Variants in SPART observed in about 807,000 individuals in gnomAD.
SPART encodes spartin.
A neutral mutation model predicts 58.7 loss-of-function variants in SPART; 35 were observed. The observed-to-expected ratio is 0.60, with a 90% CI of 0.46 to 0.79. The LOEUF is 0.79. SPART is among the 30% of genes least tolerant of loss of function. SPART has a pLI of 0.00. For missense variants in SPART, 730 were observed against 786.1 expected, an observed-to-expected ratio of 0.93 and a Z score of 0.85; for synonymous variants, 284 against 280.7, an observed-to-expected ratio of 1.01 and a Z score of -0.12.
In SPART at chr13:36,301,670, A is replaced by C. The variant is rs1440448073; in HGVS notation, c.*2695T>G. ...TATGAGATACTTTTTTATATATGCT[A>C]CATTAACAATAAAAACATTGCAAAG... is the stretch of plus-strand genomic sequence containing the variant. On this transcript the variant is annotated 3_prime_UTR_variant, in exon 9 of 9. Transcript: ENST00000438666. 6.6e-6 allele frequency: 1 copy of C among 152,200 alleles called. No homozygotes were observed. Among genetic ancestry groups the C allele is most frequent in the Non-Finnish European group, 1.5e-5 (1 of 68,034 alleles). 9.4% of individuals were successfully genotyped at this position (152,200 alleles called of 1,614,324 possible). A position where few individuals can be genotyped will look rare whatever the true frequency, so the allele number is the denominator to read the frequency against.
intron 2 of SPART, 117 bp downstream of exon 2, chr13:36,334,904 C>A: frequency 1.2e-6 from 1 of 809,142 alleles, no homozygotes; most frequent in Non-Finnish European, 2.0e-6. Context: ...TATTTAAAAA[C>A]AAAGTAGAAT....
chr13:36,356,423 A>G (rs1368943235), intron 1 of SPART, among the ~76,000 whole-genome samples: 1 of 152,124 alleles, frequency 6.6e-6, no homozygotes, highest in Non-Finnish European at 1.5e-5. Flanking sequence ...TTTACAACCT[A>G]TTCTCTCTGA....
chr13:36,304,578 A>G lies in SPART; in HGVS notation c.1788T>C (p.Asn596=), dbSNP rs1263130298. 2.5e-6 allele frequency: 4 copies of G among 1,614,052 alleles called. No homozygotes were observed. The highest frequency in any genetic ancestry group is 4.5e-5 in the East Asian group (2 of 44,898). Residue 596 remains asparagine (N), a synonymous_variant, in exon 9 of 9, where the codon AAT becomes AAC. Coordinates refer to ENST00000438666, the MANE Select transcript of SPART (RefSeq NM_015087.5). ...ATHHAVDSAV[N]VGVTAYNINN... Reference sequence around the variant, plus strand: ...TAATATTGTAGGCAGTTACGCCAACATTGACCGCAGAATCCACCGCATGGT... The same window carrying G: ...TAATATTGTAGGCAGTTACGCCAACGTTGACCGCAGAATCCACCGCATGGT...
intron 5 of SPART, 29 bp downstream of exon 5, chr13:36,326,546 A>G (rs773332457): frequency 1.2e-6 from 2 of 1,612,320 alleles, no homozygotes; most frequent in South Asian, 2.2e-5. Context: ...AATGTCATAC[A>G]GGGAAAAAAA....
rs1229362852 is a variant in SPART at position 36,314,159 on chromosome 13, T to C, written c.1483+68A>G. On this transcript the variant is annotated intron_variant, in intron 6 of 8. Transcript: ENST00000438666. ...TAAACCATCTAAATGAACATGCAGA[T>C]TAACCCTGGATTAAGACATTATTTT... is the stretch of plus-strand genomic sequence containing the variant. 19 of 1,450,324 alleles carry C rather than the reference T, an allele frequency of 1.3e-5. No individual in the cohort carries two copies. The African/African-American group carries it at 2.7e-4, about 21-fold the overall frequency. 89.8% of individuals were successfully genotyped at this position (1,450,324 alleles called of 1,614,324 possible).
At chr13:36,320,883 GT>G (rs1351329881) in intron 5 of SPART, among the ~76,000 whole-genome samples, 2 of 152,252 alleles carry the variant, frequency 1.3e-5, no homozygotes, top group East Asian at 1.9e-4. Flanking sequence ...TCAGCCAGCA[GT>G]TTTTCAGGCT....
chr13:36,325,119 A>G (rs1033394664), intron 5 of SPART, among the ~76,000 whole-genome samples: 4 of 152,208 alleles, frequency 2.6e-5, no homozygotes, highest in Admixed American at 2.6e-4. Flanking sequence ...GCTTGGGCTC[A>G]GAGGCCTGAC....
chr13:36,328,008 CAG>C (rs547360863), intron 4 of SPART, among the ~76,000 whole-genome samples: 150 of 152,148 alleles, frequency 9.9e-4, no homozygotes, highest in African/African-American at 3.6e-3. Context: ...GGTGAGGAGA[CAG>C]GGGAAGATTA....
At chr13:36,314,004 AG>A in intron 6 of SPART, 1 of 563,414 alleles carries the variant, frequency 1.8e-6, no homozygotes, top group East Asian at 3.0e-5. Flanking sequence ...CTGAATCAGT[AG>A]GTGTGTCTGT....
intron 4 of SPART, 90 bp downstream of exon 4, chr13:36,329,272 A>C: frequency 6.9e-7 from 1 of 1,450,322 alleles, no homozygotes; most frequent in South Asian, 1.2e-5. Context: ...GCTTTGCTTT[A>C]GTATATGGGA....
In SPART at chr13:36,304,491, A is replaced by C; in HGVS notation, c.1875T>G (p.Leu625=). Residue 625 remains leucine, a synonymous_variant, in exon 9 of 9, where the codon CTT becomes CTG. Transcript: ENST00000438666. The part of the protein sequence containing the change: ...KTATQTGHTL[L]EDYQIVDNSQ... ...AATTATCAACTATCTGATAGTCCTC[A>C]AGGAGAGTGTGTCCTGTTTGTGTTG... 6.2e-7 allele frequency: 1 copy of C among 1,614,140 alleles called. No individual in the cohort carries two copies. Among genetic ancestry groups the C allele is most frequent in the Non-Finnish European group, 8.5e-7 (1 of 1,180,020 alleles).
At chr13:36,320,919 A>G (rs1882310246) in intron 5 of SPART, among the ~76,000 whole-genome samples, 1 of 152,146 alleles carries the variant, frequency 6.6e-6, no homozygotes, top group Non-Finnish European at 1.5e-5. Context: ...AAACCTTTAT[A>G]TCCCTTACGG....
intron 5 of SPART, chr13:36,326,367 A>T: frequency 1.7e-6 from 1 of 585,104 alleles, no homozygotes; most frequent in Non-Finnish European, 2.9e-6. Context: ...ATAGTAGAAC[A>T]GAATAATAGG....
At chr13:36,321,797 C>T (rs1347652874) in intron 5 of SPART, among the ~76,000 whole-genome samples, 5 of 152,056 alleles carry the variant, frequency 3.3e-5, no homozygotes, top group South Asian at 2.1e-4. Context: ...TGCACATATA[C>T]GCCCAGATGG....
intron 8 of SPART, among the ~76,000 whole-genome samples, chr13:36,309,577 T>C (rs1362379127): frequency 2.0e-5 from 3 of 152,096 alleles, no homozygotes; most frequent in Admixed American, 2.0e-4. Context: ...AATCATATCC[T>C]TTGCAGCAAC....
chr13:36,327,616 T>TA (rs1883056538), intron 4 of SPART, among the ~76,000 whole-genome samples: 1 of 152,208 alleles, frequency 6.6e-6, no homozygotes, highest in Admixed American at 6.5e-5. Context: ...CCATTTATGT[T>TA]AAATATTATA....
chr13:36,348,388 C>T (rs1885277709), upstream of SPART, among the ~76,000 whole-genome samples: 1 of 152,136 alleles, frequency 6.6e-6, no homozygotes, highest in Non-Finnish European at 1.5e-5. Context: ...TTTTAAATTT[C>T]CAACAGCCAT....
chr13:36,320,298 C>T (rs970773325), intron 5 of SPART, among the ~76,000 whole-genome samples: 5 of 152,128 alleles, frequency 3.3e-5, no homozygotes, highest in Non-Finnish European at 2.9e-5. Flanking sequence ...GACTCCAATC[C>T]GGCCTCTCGC....
chr13:36,357,735 C>T (rs1885679221), intron 1 of SPART, among the ~76,000 whole-genome samples: 2 of 152,160 alleles, frequency 1.3e-5, no homozygotes, highest in African/African-American at 4.8e-5. Flanking sequence ...AAGAGACTAT[C>T]TTTAGTGCTG....
Sources: allele counts gnomAD v4.1 joint callset (sites outside exome capture counted in the v4.1 genomes callset), GRCh38; gene constraint gnomAD v4.1.1; transcripts MANE v1.5; gene names NCBI Gene and HGNC (gene_info 2026-07-23, HGNC 2026-07-21).